NPAS3: variants seen among roughly 807,000 people sequenced by gnomAD.
The protein encoded by NPAS3 is neuronal PAS domain-containing protein 3.
In NPAS3, 14 loss-of-function variants were observed where a neutral mutation model predicts 73.1. The ratio of observed to expected loss-of-function variants is 0.19; its 90% CI spans 0.13 to 0.30. The LOEUF (loss-of-function observed/expected upper bound fraction) is 0.30, where lower values mean the gene tolerates loss of function less well. Ranked by LOEUF, NPAS3 falls within the 10% of genes least tolerant of loss-of-function variation. NPAS3 has a pLI of 1.00. For synonymous variants in NPAS3, 620 were observed against 541.5 expected (o/e 1.14, Z -2.01); for missense variants, 1,096 against 1,250.0 (o/e 0.88, Z 1.86).
At chr14:33,436,321 T>G (rs950372909) in intron 4 of NPAS3, among the ~76,000 whole-genome samples, 1 of 152,184 alleles carries the variant, frequency 6.6e-6, no homozygotes, top group Non-Finnish European at 1.5e-5. Flanking sequence ...AATAGATACA[T>G]GGATTTTTAA....
intron 4 of NPAS3, among the ~76,000 whole-genome samples, chr14:33,376,328 A>G (rs1190470732): frequency 2.0e-5 from 3 of 152,168 alleles, no homozygotes; most frequent in South Asian, 2.1e-4. Context: ...TTAACTCATT[A>G]TATATAAAAA....
At chr14:33,486,892 T>A (rs1566944160) in intron 4 of NPAS3, among the ~76,000 whole-genome samples, 3 of 152,186 alleles carry the variant, frequency 2.0e-5, no homozygotes, top group African/African-American at 7.2e-5. Flanking sequence ...CCTGATCCTG[T>A]TCAGCAATTT....
intron 7 of NPAS3, among the ~76,000 whole-genome samples, chr14:33,757,059 T>C (rs2062138466): frequency 6.6e-6 from 1 of 152,088 alleles, no homozygotes; most frequent in South Asian, 2.1e-4. Context: ...ATGGAGAAGA[T>C]AAACACAAGG....
At chr14:33,714,778 A>C (rs2060915255) in intron 6 of NPAS3, among the ~76,000 whole-genome samples, 1 of 152,270 alleles carries the variant, frequency 6.6e-6, no homozygotes, top group East Asian at 1.9e-4. Context: ...TCATCCAATG[A>C]TCCCATAACT....
At chr14:33,471,613 A>G (rs542231646) in intron 4 of NPAS3, among the ~76,000 whole-genome samples, 1 of 152,366 alleles carries the variant, frequency 6.6e-6, no homozygotes, top group East Asian at 1.9e-4. Flanking sequence ...ACCATATTAT[A>G]TAAATGCAAA....
At chr14:33,794,079 G>T (rs1346445717) in intron 10 of NPAS3, 35 bp downstream of exon 10, 1 of 1,580,714 alleles carries the variant, frequency 6.3e-7, no homozygotes, top group South Asian at 1.1e-5. Flanking sequence ...TTCTGTCCTG[G>T]TTATAAAATA....
At chr14:33,717,306 G>C (rs1180706355) in intron 6 of NPAS3, among the ~76,000 whole-genome samples, 1 of 150,432 alleles carries the variant, frequency 6.6e-6, no homozygotes, top group Non-Finnish European at 1.5e-5. Flanking sequence ...AGGAGTCCTA[G>C]AGTTTAGTGA....
chr14:32,976,133 G>A lies in NPAS3; in HGVS notation c.50+36767G>A, dbSNP rs117216205. Among the ~76,000 whole-genome samples the A allele has an allele frequency of 7.4e-4, 112 of 152,214 alleles. 1 individual carries two copies. The highest frequency in any genetic ancestry group is 2.6e-3 in the African/African-American group (108 of 41,530). On this transcript the variant is annotated intron_variant, in intron 1 of 11. Coordinates refer to ENST00000356141, the Ensembl canonical transcript of NPAS3. ...TGATTTATTAAGTCGGGCAAGAGTG[G>A]AGATTGGGAATCTAAAGGTACTCCA...
intron 3 of NPAS3, among the ~76,000 whole-genome samples, chr14:33,266,651 T>C (rs1235134113): frequency 1.3e-5 from 2 of 152,170 alleles, no homozygotes; most frequent in Non-Finnish European, 2.9e-5. Flanking sequence ...CTGAGGCTCA[T>C]GGAGAGTGAT....
Position 33,750,475 on chromosome 14 carries a change from G to A in NPAS3, c.852+15143G>A, listed in dbSNP as rs560122834. Reference sequence around the variant, plus strand: ...ACTGATATGAAATAACTAATTTTACGTATTCTAACTAGAGTTTTAGAATGT... The same window carrying A: ...ACTGATATGAAATAACTAATTTTACATATTCTAACTAGAGTTTTAGAATGT... On this transcript the variant is annotated intron_variant, in intron 7 of 11. Coordinates refer to ENST00000356141, the Ensembl canonical transcript of NPAS3. 5.4e-4 allele frequency among the ~76,000 whole-genome samples: 82 copies of A among 152,166 alleles called. 1 individual carries two copies. Among genetic ancestry groups the A allele is most frequent in the Non-Finnish European group, 7.4e-4 (50 of 68,004 alleles).
chr14:33,093,925 C>G (rs143069273), intron 2 of NPAS3, among the ~76,000 whole-genome samples: 295 of 151,736 alleles, frequency 1.9e-3, no homozygotes, highest in Middle Eastern at 6.8e-3. Context: ...ACAATGGGAA[C>G]ACTTGGACAT....
intron 7 of NPAS3, among the ~76,000 whole-genome samples, chr14:33,763,333 T>C (rs914522244): frequency 2.0e-5 from 3 of 152,332 alleles, no homozygotes; most frequent in East Asian, 1.9e-4. Context: ...TAAAATATTA[T>C]AGAGTTCAGA....
At chr14:33,201,394 G>A (rs2046610910) in intron 2 of NPAS3, among the ~76,000 whole-genome samples, 1 of 152,012 alleles carries the variant, frequency 6.6e-6, no homozygotes, top group African/African-American at 2.4e-5. Flanking sequence ...GCTCATTGAA[G>A]TCCACACTGT....
chr14:33,686,508 G>A (rs2060092935), intron 6 of NPAS3, among the ~76,000 whole-genome samples: 1 of 152,120 alleles, frequency 6.6e-6, no homozygotes, highest in South Asian at 2.1e-4. Context: ...CAATGCAATT[G>A]CCATTACTCA....
intron 7 of NPAS3, 128 bp from the exon 8 acceptor site, chr14:33,774,209 A>G (rs746259033): frequency 8.9e-6 from 6 of 671,662 alleles, no homozygotes; most frequent in Non-Finnish European, 1.5e-5. Flanking sequence ...GCCGACAGCC[A>G]TTATGATTAC....
At chr14:33,471,077 A>G (rs757316933) in intron 4 of NPAS3, among the ~76,000 whole-genome samples, 14 of 152,128 alleles carry the variant, frequency 9.2e-5, no homozygotes, top group Non-Finnish European at 1.6e-4. Flanking sequence ...CTTTCACGAG[A>G]GCTCTGCGCA....
intron 11 of NPAS3, among the ~76,000 whole-genome samples, chr14:33,798,933 G>C (rs962649474): frequency 7.1e-5 from 10 of 140,986 alleles, no homozygotes; most frequent in African/African-American, 2.1e-4. Context: ...TTGAGTCCAG[G>C]AGTTTGAGAG....
intron 9 of NPAS3, among the ~76,000 whole-genome samples, chr14:33,793,592 C>T (rs1460566548): frequency 2.6e-5 from 4 of 152,166 alleles, no homozygotes; most frequent in South Asian, 2.1e-4. Flanking sequence ...ATATCCACAC[C>T]GCATTAGGTG....
intron 1 of NPAS3, among the ~76,000 whole-genome samples, chr14:33,055,342 C>T (rs992624144): frequency 6.6e-6 from 1 of 152,198 alleles, no homozygotes; most frequent in East Asian, 1.9e-4. Context: ...ACATCTAACC[C>T]GTGTTCCCGA....
Sources: allele counts gnomAD v4.1 joint callset (sites outside exome capture counted in the v4.1 genomes callset), GRCh38; gene constraint gnomAD v4.1.1; transcripts MANE v1.5; gene names NCBI Gene and HGNC (gene_info 2026-07-23, HGNC 2026-07-21).